ALPK1: variants seen among roughly 807,000 people sequenced by gnomAD.
The protein encoded by ALPK1 is alpha-protein kinase 1.
A neutral mutation model predicts 120.6 loss-of-function variants in ALPK1; 110 were observed. The ratio of observed to expected loss-of-function variants is 0.91; its 90% CI spans 0.78 to 1.07. The LOEUF (loss-of-function observed/expected upper bound fraction) is 1.07, where lower values mean the gene tolerates loss of function less well. ALPK1 is among the 50% of genes least tolerant of loss of function. The pLI is 0.00. For missense variants in ALPK1, 1,498 were observed against 1,483.9 expected, an observed-to-expected ratio of 1.01 and a Z score of -0.16; for synonymous variants, 582 against 560.3, an observed-to-expected ratio of 1.04 and a Z score of -0.55.
rs756684241 is a variant in ALPK1, at chr4:112,430,850, G to A, written c.1303G>A (p.Glu435Lys). 13 of 1,614,078 alleles carry A rather than the reference G, an allele frequency of 8.1e-6. No individual in the cohort carries two copies. The Admixed American group carries it at 8.3e-5, about 10-fold the overall frequency. Residue 435 changes from glutamate to lysine, a missense_variant, in exon 11 of 16, where the codon GAG (glutamate) becomes AAG (lysine). Glu to Lys is a moderately conservative substitution (Grantham distance 56). Transcript: ENST00000650871. The stretch of plus-strand genomic sequence containing the variant: ...TGTAGATGACAGATCTTATGTTCCC[G>A]AGAGTTTCGAGTGCAGGTTGGATAA... ...SNVDDRSYVPESFECRLDKLI... is the reference protein window; with the variant it reads ...SNVDDRSYVPKSFECRLDKLI...
chr4:112,304,034 A>G (rs976339261), intron 1 of ALPK1, among the ~76,000 whole-genome samples: 1 of 152,160 alleles, frequency 6.6e-6, no homozygotes, highest in Non-Finnish European at 1.5e-5. Context: ...TTTGCTGAGA[A>G]TGATGGTTTC....
chr4:112,372,651 T>C (rs941395981), intron 2 of ALPK1, among the ~76,000 whole-genome samples: 2 of 152,214 alleles, frequency 1.3e-5, no homozygotes, highest in South Asian at 4.1e-4. Context: ...ATCTACTCTC[T>C]TAGCAATTTG....
chr4:112,313,587 G>A (rs1358539848), intron 1 of ALPK1, among the ~76,000 whole-genome samples: 1 of 152,200 alleles, frequency 6.6e-6, no homozygotes, highest in African/African-American at 2.4e-5. Context: ...GTCGGATATG[G>A]TGGCAAATGC....
intron 2 of ALPK1, among the ~76,000 whole-genome samples, chr4:112,349,736 G>A (rs550097702): frequency 2.3e-4 from 35 of 152,198 alleles, no homozygotes; most frequent in Non-Finnish European, 3.8e-4. Context: ...TGTATTTTTA[G>A]TAGAGACAGG....
At chr4:112,361,255 C>T (rs867587251) in intron 2 of ALPK1, among the ~76,000 whole-genome samples, 11 of 152,144 alleles carry the variant, frequency 7.2e-5, no homozygotes, top group Admixed American at 7.2e-4. Context: ...GTGGGACAGC[C>T]GAGGAACTGT....
chr4:112,320,063 A>G (rs1728800801), intron 2 of ALPK1, among the ~76,000 whole-genome samples: 2 of 152,222 alleles, frequency 1.3e-5, no homozygotes, highest in South Asian at 4.1e-4. Context: ...TGCTCTGGCT[A>G]GGACTTCCAG....
At chr4:112,315,126 C>T (rs142298034) in intron 1 of ALPK1, among the ~76,000 whole-genome samples, 48 of 152,244 alleles carry the variant, frequency 3.2e-4, no homozygotes, top group African/African-American at 9.9e-4. Context: ...ACATGATCCA[C>T]CTGCCTCAGC....
chr4:112,437,982 C>G (rs556091765), intron 12 of ALPK1, among the ~76,000 whole-genome samples: 2 of 152,318 alleles, frequency 1.3e-5, no homozygotes, highest in Non-Finnish European at 2.9e-5. Flanking sequence ...ATATACAAAT[C>G]ATGTCTCACA....
chr4:112,398,111 G>A (rs1388068177), intron 4 of ALPK1, among the ~76,000 whole-genome samples: 12 of 152,092 alleles, frequency 7.9e-5, no homozygotes, highest in Non-Finnish European at 1.8e-4. Context: ...GGAGCCATGC[G>A]GATATCTGAG....
At chr4:112,396,424 G>A (rs975773911) in intron 4 of ALPK1, among the ~76,000 whole-genome samples, 5 of 152,090 alleles carry the variant, frequency 3.3e-5, no homozygotes, top group East Asian at 1.9e-4. Context: ...AATACAGCTC[G>A]TATAGCAAAA....
chr4:112,331,591 C>T (rs1337879397), intron 2 of ALPK1, among the ~76,000 whole-genome samples: 1 of 152,216 alleles, frequency 6.6e-6, no homozygotes, highest in Non-Finnish European at 1.5e-5. Context: ...GTGAGGAGAG[C>T]TCCAATGCTG....
At chr4:112,338,258 G>A (rs554806723) in intron 2 of ALPK1, among the ~76,000 whole-genome samples, 6 of 152,158 alleles carry the variant, frequency 3.9e-5, no homozygotes, top group Admixed American at 1.3e-4. Flanking sequence ...GAGCCACCGC[G>A]CCCGGCCGTC....
chr4:112,367,035 G>C (rs1260071228), intron 2 of ALPK1, among the ~76,000 whole-genome samples: 1 of 152,196 alleles, frequency 6.6e-6, no homozygotes, highest in Non-Finnish European at 1.5e-5. Flanking sequence ...AGTGGACTTT[G>C]AGGACTCAGG....
In ALPK1 at chr4:112,411,945, A is replaced by G; in HGVS notation, c.395A>G (p.Lys132Arg). ...DVSGKLLQVA[K>R]GLHKLQPATP... ...TCTGGAAAACTTCTGCAGGTCGCCA[A>G]AGGTCTCCACAAGTTGCAGCCAGCC... Residue 132 changes from lysine to arginine, a missense_variant, in exon 5 of 16, where the codon AAA (lysine) becomes AGA (arginine). Physicochemically the swap from Lys to Arg is conservative, Grantham distance 26. Transcript: ENST00000650871. 6.2e-7 allele frequency: 1 copy of G among 1,614,142 alleles called. No individual in the cohort carries two copies. The highest frequency in any genetic ancestry group is 8.5e-7 in the Non-Finnish European group (1 of 1,180,018).
chr4:112,441,933 TCA>T lies in ALPK1; in HGVS notation c.*727_*728del, dbSNP rs1309863015. ...GAACACTATGTGTATTAATCCACTCTCACACTGCTATGAAGAGATACCTGAGA... is the reference window on the plus strand; with the variant it reads ...GAACACTATGTGTATTAATCCACTCTCACTGCTATGAAGAGATACCTGAGA... On this transcript the variant is annotated 3_prime_UTR_variant, in exon 16 of 16. Transcript: ENST00000650871. The T allele has an allele frequency of 6.6e-6, 1 of 152,266 alleles. No individual in the cohort carries two copies. The highest frequency in any genetic ancestry group is 1.5e-5 in the Non-Finnish European group (1 of 68,106). The allele number at this position is 152,266 out of a possible 1,614,324, so 9.4% of individuals were successfully genotyped here.
At chr4:112,412,047 G>GC (rs1733501729) in intron 5 of ALPK1, 22 bp downstream of exon 5, 1 of 1,612,290 alleles carries the variant, frequency 6.2e-7, no homozygotes. Flanking sequence ...CCTGCTGGCC[G>GC]CCCCCGCGTC....
intron 1 of ALPK1, among the ~76,000 whole-genome samples, chr4:112,310,922 G>A (rs75351777): frequency 0.019 from 2,828 of 151,630 alleles, 50 homozygotes; most frequent in Non-Finnish European, 0.027. Context: ...AGCGGAAGTA[G>A]CACTACAGAA....
At chr4:112,415,292 A>T (rs1376009329) in intron 5 of ALPK1, among the ~76,000 whole-genome samples, 1 of 152,222 alleles carries the variant, frequency 6.6e-6, no homozygotes, top group African/African-American at 2.4e-5. Flanking sequence ...ACCCAGGGCC[A>T]TGGGAATCTC....
chr4:112,340,244 T>A (rs1002952343), intron 2 of ALPK1, among the ~76,000 whole-genome samples: 6 of 152,246 alleles, frequency 3.9e-5, no homozygotes, highest in African/African-American at 1.4e-4. Context: ...CTGGATTTCA[T>A]GTAGAGCAGA....
Sources: allele counts gnomAD v4.1 joint callset (sites outside exome capture counted in the v4.1 genomes callset), GRCh38; gene constraint gnomAD v4.1.1; transcripts MANE v1.5; gene names NCBI Gene and HGNC (gene_info 2026-07-23, HGNC 2026-07-21).